The following KCNG2 variants were observed in gnomAD, a reference collection of about 807,000 sequenced individuals.
The protein encoded by KCNG2 is potassium voltage-gated channel modifier subfamily G member 2.
KCNG2 carries 7 observed loss-of-function variants against 12.3 expected under a neutral mutation model. The ratio of observed to expected loss-of-function variants is 0.57; its 90% CI spans 0.32 to 1.07. The LOEUF is 1.07. KCNG2 is among the 50% of genes least tolerant of loss of function. The probability of loss-of-function intolerance (pLI) is 0.04; values close to 1 mark genes in which losing one functional copy is unlikely to be tolerated. For missense variants in KCNG2, 703 were observed against 726.0 expected (o/e 0.97, Z 0.36); for synonymous variants, 414 against 351.4 (o/e 1.18, Z -1.99).
intron 1 of KCNG2, among the ~76,000 whole-genome samples, chr18:79,814,996 C>A (rs2087518750): frequency 6.6e-6 from 1 of 151,528 alleles, no homozygotes; most frequent in South Asian, 2.1e-4. Context: ...GAAGTCTTCC[C>A]AGAGAAAATG....
In KCNG2 at chr18:79,863,800, C is replaced by T. The variant is rs1191127969; in HGVS notation, c.133C>T (p.Arg45Cys). 10 of 1,310,724 alleles carry T rather than the reference C, an allele frequency of 7.6e-6. No individual in the cohort carries two copies. The highest frequency in any genetic ancestry group is 3.6e-5 in the East Asian group (1 of 28,058). 81.2% of individuals were successfully genotyped at this position (1,310,724 alleles called of 1,614,324 possible). A position where few individuals can be genotyped will look rare whatever the true frequency, so the allele number is the denominator to read the frequency against. ...LARCPLARLE[R>C]LRACRGHDDL... Reference sequence around the variant, plus strand: ...GCGATGCCCCCTCGCGCGCCTGGAGCGCCTGCGCGCCTGCCGCGGCCACGA... The same window carrying T: ...GCGATGCCCCCTCGCGCGCCTGGAGTGCCTGCGCGCCTGCCGCGGCCACGA... Residue 45 changes from arginine to cysteine, a missense_variant, in exon 3 of 4, where the codon CGC (arginine) becomes TGC (cysteine). Physicochemically the swap from Arg to Cys is radical, Grantham distance 180. Transcript: ENST00000316249.
At chr18:79,799,355 CCT>C (rs1355372068) in intron 1 of KCNG2, among the ~76,000 whole-genome samples, 1 of 152,142 alleles carries the variant, frequency 6.6e-6, no homozygotes, top group Admixed American at 6.5e-5. Flanking sequence ...CTCCCCCACC[CCT>C]GTTCTCTGGG....
intron 1 of KCNG2, among the ~76,000 whole-genome samples, chr18:79,826,582 G>A (rs1173487706): frequency 1.4e-5 from 2 of 147,220 alleles, no homozygotes; most frequent in Non-Finnish European, 3.0e-5. Flanking sequence ...TAAGTTCGGC[G>A]CGTTACGTCA....
At chr18:79,879,396 T>C (rs948162782) in intron 3 of KCNG2, among the ~76,000 whole-genome samples, 8 of 151,914 alleles carry the variant, frequency 5.3e-5, no homozygotes, top group Non-Finnish European at 4.4e-5. Flanking sequence ...AGGATAGACA[T>C]GGGGCTTGGG....
intron 3 of KCNG2, among the ~76,000 whole-genome samples, chr18:79,883,918 C>T (rs562223476): frequency 7.2e-5 from 11 of 152,284 alleles, no homozygotes; most frequent in South Asian, 6.2e-4. Context: ...GCGTCCCCAC[C>T]GGCACGTCCA....
intron 1 of KCNG2, among the ~76,000 whole-genome samples, chr18:79,809,760 G>T (rs1236571685): frequency 6.6e-6 from 1 of 152,266 alleles, no homozygotes; most frequent in African/African-American, 2.4e-5. Context: ...GTACTTTTCG[G>T]ATGCTGCAGC....
intron 1 of KCNG2, among the ~76,000 whole-genome samples, chr18:79,799,522 C>T (rs1238311532): frequency 1.3e-5 from 2 of 152,216 alleles, no homozygotes; most frequent in Non-Finnish European, 2.9e-5. Context: ...CGGGACTATC[C>T]ACTGTTGCCA....
intron 3 of KCNG2, among the ~76,000 whole-genome samples, chr18:79,878,240 C>A (rs1481482970): frequency 1.4e-5 from 2 of 146,658 alleles, no homozygotes; most frequent in Admixed American, 1.3e-4. Flanking sequence ...TGACTGGCTG[C>A]TTCACATGGC....
At chr18:79,874,405 C>T (rs1424557433) in intron 3 of KCNG2, among the ~76,000 whole-genome samples, 1 of 152,196 alleles carries the variant, frequency 6.6e-6, no homozygotes, top group African/African-American at 2.4e-5. Flanking sequence ...GCACACCTGC[C>T]CCGAGGGGGG....
chr18:79,826,989 C>A (rs1234124137), intron 1 of KCNG2, among the ~76,000 whole-genome samples: 1 of 152,264 alleles, frequency 6.6e-6, no homozygotes, highest in Non-Finnish European at 1.5e-5. Context: ...TTCGCCTTGG[C>A]TTCTGCCCGC....
chr18:79,843,809 A>G (rs1978538461), intron 1 of KCNG2, among the ~76,000 whole-genome samples: 1 of 152,238 alleles, frequency 6.6e-6, no homozygotes, highest in South Asian at 2.1e-4. Flanking sequence ...CAAAAGAGGA[A>G]GAAACAATCA....
intron 1 of KCNG2, among the ~76,000 whole-genome samples, chr18:79,824,499 T>C (rs377730465): frequency 1.3e-5 from 2 of 152,224 alleles, no homozygotes; most frequent in East Asian, 3.8e-4. Context: ...ATGCTTCTGA[T>C]TGATTTTTGC....
intron 1 of KCNG2, among the ~76,000 whole-genome samples, chr18:79,821,258 T>G (rs1439384648): frequency 6.6e-6 from 1 of 151,406 alleles, no homozygotes; most frequent in Admixed American, 6.6e-5. Flanking sequence ...TATCTGTAAA[T>G]TTTGGCCGTC....
At chr18:79,837,351 T>TTCCA (rs1219691324) in intron 1 of KCNG2, among the ~76,000 whole-genome samples, 1 of 152,228 alleles carries the variant, frequency 6.6e-6, no homozygotes, top group Admixed American at 6.5e-5. Flanking sequence ...TTGCTGGCTC[T>TTCCA]GAGTGATGGT....
intron 1 of KCNG2, among the ~76,000 whole-genome samples, chr18:79,853,953 C>A (rs1048842932): frequency 6.6e-6 from 1 of 152,244 alleles, no homozygotes; most frequent in Non-Finnish European, 1.5e-5. Context: ...ACCTCGGGGT[C>A]CAGCCTGTGA....
chr18:79,875,548 C>T (rs190522484), intron 3 of KCNG2, among the ~76,000 whole-genome samples: 2 of 152,344 alleles, frequency 1.3e-5, no homozygotes, highest in East Asian at 1.9e-4. Context: ...GTTATGGGGT[C>T]GGCCGTGACC....
At chr18:79,839,703 G>A (rs975268947) in intron 1 of KCNG2, among the ~76,000 whole-genome samples, 8 of 152,184 alleles carry the variant, frequency 5.3e-5, no homozygotes, top group Admixed American at 5.2e-4. Flanking sequence ...TCCAAAAAAT[G>A]GAAGAGGAGG....
At chr18:79,829,689 G>A (rs499260) in intron 1 of KCNG2, among the ~76,000 whole-genome samples, 45,939 of 151,918 alleles carry the variant, frequency 0.3, 7,891 homozygotes, top group South Asian at 0.52. Context: ...GGCCTCTGCC[G>A]CCATCTCTAC....
chr18:79,834,341 ACT>A (rs1978312284), intron 1 of KCNG2, among the ~76,000 whole-genome samples: 2 of 151,910 alleles, frequency 1.3e-5, no homozygotes, highest in Non-Finnish European at 1.5e-5. Flanking sequence ...ATGGTTTTAG[ACT>A]CTCAGTTTCT....
Sources: allele counts gnomAD v4.1 joint callset (sites outside exome capture counted in the v4.1 genomes callset), GRCh38; gene constraint gnomAD v4.1.1; transcripts MANE v1.5; gene names NCBI Gene and HGNC (gene_info 2026-07-23, HGNC 2026-07-21).